KCNS1: variants seen among roughly 807,000 people sequenced by gnomAD.
KCNS1 encodes the protein potassium voltage-gated channel modifier subfamily S member 1, also known as delayed-rectifier potassium channel regulatory subunit KCNS1.
Under a neutral mutation model 33.1 loss-of-function variants are expected in KCNS1, and 26 were observed. The ratio of observed to expected loss-of-function variants is 0.79; its 90% CI spans 0.58 to 1.09. The LOEUF is 1.09. KCNS1 is among the 50% of genes least tolerant of loss of function. The pLI, the probability that KCNS1 is intolerant of heterozygous loss-of-function variation, is 0.00. For missense variants in KCNS1, 702 were observed against 752.4 expected (o/e 0.93, Z 0.78); for synonymous variants, 299 against 338.8 (o/e 0.88, Z 1.29).
intron 3 of KCNS1, 68 bp from the exon 4 acceptor site, chr20:45,095,408 G>A (rs1981153849): frequency 7.2e-7 from 1 of 1,387,082 alleles, no homozygotes; most frequent in South Asian, 1.3e-5. Context: ...GGCATATGGG[G>A]AAACTGAGGC....
chr20:45,101,059 C>T lies in KCNS1; in HGVS notation c.-142G>A, dbSNP rs1981376385. On this transcript the variant is annotated 5_prime_UTR_variant, in exon 1 of 4. Transcript: ENST00000537075. The stretch of plus-strand genomic sequence containing the variant: ...CTGCAGGCGGCCCCGCTGCCCTCTC[C>T]TTCCTTCTTCCTTGCCTAGTCCCCC... 2 of 152,630 alleles carry T rather than the reference C, an allele frequency of 1.3e-5. No individual in the cohort carries two copies. Among genetic ancestry groups the T allele is most frequent in the Admixed American group, 1.3e-4 (2 of 15,294 alleles). The allele number at this position is 152,630 out of a possible 1,614,324, so 9.5% of individuals were successfully genotyped here.
At chr20:45,097,529 T>G (rs1031180631) in intron 3 of KCNS1, 133 bp downstream of exon 3, 1 of 882,100 alleles carries the variant, frequency 1.1e-6, no homozygotes, top group Non-Finnish European at 1.7e-6. Flanking sequence ...TGTGCAGCCC[T>G]GTGCCTGGCA....
In KCNS1 at chr20:45,097,990, C is replaced by A; in HGVS notation, c.782G>T (p.Arg261Leu). The A allele has an allele frequency of 6.5e-7, 1 of 1,533,448 alleles. No homozygotes were observed. The highest frequency in any genetic ancestry group is 8.8e-7 in the Non-Finnish European group (1 of 1,140,930). 95.0% of individuals were successfully genotyped at this position (1,533,448 alleles called of 1,614,324 possible). A position where few individuals can be genotyped will look rare whatever the true frequency, so the allele number is the denominator to read the frequency against. Residue 261 changes from arginine to leucine, a missense_variant, in exon 3 of 4, where the codon CGC (arginine) becomes CTC (leucine). Transcript: ENST00000537075. Reference sequence around the variant, plus strand: ...GTCGTCGCGCACGCCTTCCGGGCTGCGGCCCGCGGCCACCGCAGCCACGGC... The same window carrying A: ...GTCGTCGCGCACGCCTTCCGGGCTGAGGCCCGCGGCCACCGCAGCCACGGC... ...AAAVAAVAAG[R>L]SPEGVRDDPV...
Position 45,098,257 on chromosome 20 carries a change from T to C in KCNS1, c.515A>G (p.Asp172Gly). The C allele has an allele frequency of 6.3e-7, 1 of 1,595,618 alleles. No individual in the cohort carries two copies. Reference sequence around the variant, plus strand: ...GCACGGGTCCACGCTGCTCGGCGTGTCGCTGTCCTCGTCCCAGGCGTGCGG... The same window carrying C: ...GCACGGGTCCACGCTGCTCGGCGTGCCGCTGTCCTCGTCCCAGGCGTGCGG... Reference protein sequence around the residue: ...TQPHAWDEDSDTPSSVDPCPD... With the variant: ...TQPHAWDEDSGTPSSVDPCPD... The change falls in exon 3 of 4, where the codon GAC becomes GGC. Residue 172 changes from aspartate to glycine, a missense_variant. Asp to Gly is a moderately conservative substitution (Grantham distance 94). Transcript: ENST00000537075. This position sits in a 1 kb window ranked among gnomAD's most constrained non-coding sequence, Gnocchi z 5.2.
Position 45,093,260 on chromosome 20 carries a change from T to G in KCNS1, c.*1610A>C, listed in dbSNP as rs1248929796. 1.3e-5 allele frequency: 2 copies of G among 151,866 alleles called. No homozygotes were observed. Among genetic ancestry groups the G allele is most frequent in the Admixed American group, 6.6e-5 (1 of 15,236 alleles). The allele number at this position is 151,866 out of a possible 1,614,324, so 9.4% of individuals were successfully genotyped here. A position where few individuals can be genotyped will look rare whatever the true frequency, so the allele number is the denominator to read the frequency against. ...ACTCTTCCAACGGGTATTTGTTGAG[T>G]GAGTGAGTGAAGAACCTACAAGGAA... On this transcript the variant is annotated 3_prime_UTR_variant, in exon 4 of 4. Transcript: ENST00000537075.
chr20:45,095,570 T>C (rs1981158749), intron 3 of KCNS1, among the ~76,000 whole-genome samples: 2 of 152,172 alleles, frequency 1.3e-5, no homozygotes, highest in African/African-American at 4.8e-5. Flanking sequence ...GTCCAAGGTA[T>C]CTGCTAGGCT....
At chr20:45,095,508 C>T (rs1432894842) in intron 3 of KCNS1, among the ~76,000 whole-genome samples, 168 bp from the exon 4 acceptor site, 2 of 152,202 alleles carry the variant, frequency 1.3e-5, no homozygotes, top group East Asian at 3.9e-4. Context: ...GACCTTTCAA[C>T]TACAGTTGGC....
At position 45,098,469 on chromosome 20, in the gene KCNS1, T is replaced by G; in HGVS notation, c.303A>C (p.Glu101Asp). The G allele has an allele frequency of 6.4e-7, 1 of 1,573,532 alleles. No individual in the cohort carries two copies. Among genetic ancestry groups the G allele is most frequent in the Non-Finnish European group, 8.6e-7 (1 of 1,160,800 alleles). The change falls in exon 3 of 4, where the codon GAA becomes GAC. Residue 101 changes from glutamate (E) to aspartate (D), a missense_variant. By Grantham distance (45) the Glu-to-Asp change is conservative (BLOSUM62 2). This residue lies in a region of KCNS1 where 374 missense variants were observed against 352.3 expected (regional missense o/e 1.06). Coordinates refer to ENST00000537075, the MANE Select transcript of KCNS1 (RefSeq NM_001322799.2). The surrounding 1 kb of genome is among the most constrained non-coding windows in gnomAD (Gnocchi z 5.2). ...AGCCCGGGTGCCGGTCGAAGTAGAA[T>G]TCGCGCGCCGCCTCGTCGTAGTCGT... The part of the protein sequence containing the change: ...LCDDYDEAAR[E>D]FYFDRHPGFF...
chr20:45,098,593 C>G lies in KCNS1; in HGVS notation c.179G>C (p.Arg60Pro). 7.1e-7 allele frequency: 1 copy of G among 1,410,408 alleles called. No homozygotes were observed. The highest frequency in any genetic ancestry group is 9.3e-7 in the Non-Finnish European group (1 of 1,078,990). The allele number at this position is 1,410,408 out of a possible 1,614,324, so 87.4% of individuals were successfully genotyped here. Residue 60 changes from arginine (R) to proline (P), a missense_variant, in exon 3 of 4, where the codon CGG becomes CCG. Physicochemically the swap from Arg to Pro is moderately radical, Grantham distance 103. Transcript: ENST00000537075. This position sits in a 1 kb window ranked among gnomAD's most constrained non-coding sequence, Gnocchi z 5.2. ...EALRVNVGGVRRQLSARALAR... is the reference protein window; with the variant it reads ...EALRVNVGGVPRQLSARALAR... ...CAGGGCGCGCGCGCTCAGCTGCCGC[C>G]GCACGCCACCCACGTTCACGCGCAG...
rs1244840835 is a variant in KCNS1, at chr20:45,095,026, G to A, written c.1425C>T (p.Arg475=). The A allele has an allele frequency of 6.2e-7, 1 of 1,613,556 alleles. No homozygotes were observed. The highest frequency in any genetic ancestry group is 1.1e-5 in the South Asian group (1 of 91,018). Reference sequence around the variant, plus strand: ...CCTCAAACTCTTGGTGGTTGCTGTTGCGCACGGCTGCCTCCAGAGCCTTCT... The same window carrying A: ...CCTCAAACTCTTGGTGGTTGCTGTTACGCACGGCTGCCTCCAGAGCCTTCT... The part of the protein sequence containing the change: ...RRQKALEAAV[R]NSNHQEFEDL... The change falls in exon 4 of 4, where the codon CGC becomes CGT. Residue 475 remains arginine (R), a synonymous_variant. Coordinates refer to ENST00000537075, the MANE Select transcript of KCNS1 (RefSeq NM_001322799.2).
Position 45,093,593 on chromosome 20 carries a change from G to A in KCNS1, c.*1277C>T, listed in dbSNP as rs1018180659. 1 of 152,286 alleles carries A rather than the reference G, an allele frequency of 6.6e-6. No homozygotes were observed. Among genetic ancestry groups the A allele is most frequent in the South Asian group, 2.1e-4 (1 of 4,832 alleles). 9.4% of individuals were successfully genotyped at this position (152,286 alleles called of 1,614,324 possible). ...CACAGTGCTGGGTGCTGTAGCCACA[G>A]TATGTGGAAAGGGCTACTGGATCCC... On this transcript the variant is annotated 3_prime_UTR_variant, in exon 4 of 4. Transcript: ENST00000537075.
intron 3 of KCNS1, 110 bp from the exon 4 acceptor site, chr20:45,095,450 G>T: frequency 1.0e-6 from 1 of 962,810 alleles, no homozygotes; most frequent in Non-Finnish European, 1.5e-6. Flanking sequence ...TCCAAAGTCA[G>T]CAAGATAGAG....
Position 45,098,649 on chromosome 20 carries a change from G to C in KCNS1, c.123C>G (p.Thr41=). 4 of 1,472,474 alleles carry C rather than the reference G, an allele frequency of 2.7e-6. No individual in the cohort carries two copies. The highest frequency in any genetic ancestry group is 3.6e-6 in the Non-Finnish European group (4 of 1,113,508). 91.2% of individuals were successfully genotyped at this position (1,472,474 alleles called of 1,614,324 possible). The part of the protein sequence containing the change: ...TFVSEFPGPD[T]GIRWRRSDEA... Reference sequence around the variant, plus strand: ...CGTCGCTTCGCCGCCAGCGGATCCCGGTGTCGGGGCCCGGGAACTCGCTCA... The same window carrying C: ...CGTCGCTTCGCCGCCAGCGGATCCCCGTGTCGGGGCCCGGGAACTCGCTCA... The change falls in exon 3 of 4, where the codon ACC becomes ACG. Residue 41 remains threonine, a synonymous_variant. Coordinates refer to ENST00000537075, the MANE Select transcript of KCNS1 (RefSeq NM_001322799.2). This position sits in a 1 kb window ranked among gnomAD's most constrained non-coding sequence, Gnocchi z 5.2.
intron 1 of KCNS1, 64 bp from the exon 2 acceptor site, chr20:45,099,303 A>G (rs943611759): frequency 1.1e-6 from 1 of 873,746 alleles, no homozygotes; most frequent in Non-Finnish European, 1.9e-6. Context: ...GGGAACTCTA[A>G]GGGTGGGGTC....
rs968994291 is a variant in KCNS1, at chr20:45,098,408, G to A, written c.364C>T (p.His122Tyr). 14 of 1,595,986 alleles carry A rather than the reference G, an allele frequency of 8.8e-6. No individual in the cohort carries two copies. Among genetic ancestry groups the A allele is most frequent in the African/African-American group, 1.3e-5 (1 of 74,300 alleles). The change falls in exon 3 of 4, where the codon CAC (histidine) becomes TAC (tyrosine). Residue 122 changes from histidine to tyrosine, a missense_variant. Physicochemically the swap from His to Tyr is moderately conservative, Grantham distance 83 (BLOSUM62 2). Coordinates refer to ENST00000537075, the MANE Select transcript of KCNS1 (RefSeq NM_001322799.2). The surrounding 1 kb of genome is among the most constrained non-coding windows in gnomAD (Gnocchi z 5.2). The stretch of plus-strand genomic sequence containing the variant: ...CACAGCTCGTCGAGCACGTGCAGGT[G>A]GCCAGTGCGGTAGAAGTGCAGCAGG... Reference protein sequence around the residue: ...LSLLHFYRTGHLHVLDELCVF... With the variant: ...LSLLHFYRTGYLHVLDELCVF...
Position 45,097,805 on chromosome 20 carries a change from C to T in KCNS1, c.967G>A (p.Gly323Ser). 1 of 1,613,668 alleles carries T rather than the reference C, an allele frequency of 6.2e-7. No individual in the cohort carries two copies. Among genetic ancestry groups the T allele is most frequent in the Non-Finnish European group, 8.5e-7 (1 of 1,179,966 alleles). Reference protein sequence around the residue: ...VLPFYLTLLAGVALGDQGGKE... With the variant: ...VLPFYLTLLASVALGDQGGKE... The stretch of plus-strand genomic sequence containing the variant: ...CCGCCCTGGTCGCCCAGTGCCACAC[C>T]AGCCAGCAGCGTGAGATAGAAGGGC... The change falls in exon 3 of 4, where the codon GGT becomes AGT. Residue 323 changes from glycine to serine, a missense_variant. By Grantham distance (56) the Gly-to-Ser change is moderately conservative (BLOSUM62 0). Coordinates refer to ENST00000537075, the MANE Select transcript of KCNS1 (RefSeq NM_001322799.2).
chr20:45,092,016 T>G lies in KCNS1; in HGVS notation c.*2854A>C, dbSNP rs1312275297. On this transcript the variant is annotated 3_prime_UTR_variant, in exon 4 of 4. Transcript: ENST00000537075. The stretch of plus-strand genomic sequence containing the variant: ...TGCTGGAAACTAATATATCTTCCAA[T>G]AAATTCATTTTTTGCTTGATGTCAG... Among the ~76,000 whole-genome samples the G allele has an allele frequency of 6.6e-6, 1 of 152,230 alleles. No homozygotes were observed. The highest frequency in any genetic ancestry group is 2.4e-5 in the African/African-American group (1 of 41,466).
Position 45,098,787 on chromosome 20 carries a change from G to A in KCNS1, c.77-92C>T. 8.4e-7 allele frequency: 1 copy of A among 1,190,782 alleles called. No homozygotes were observed. Among genetic ancestry groups the A allele is most frequent in the Admixed American group, 3.9e-5 (1 of 25,868 alleles). 73.8% of individuals were successfully genotyped at this position (1,190,782 alleles called of 1,614,324 possible). A position where few individuals can be genotyped will look rare whatever the true frequency, so the allele number is the denominator to read the frequency against. ...TCCCCTCCTCCATCCAACCAGCCAA[G>A]GGGTGTTGGAGGCTGTGTGTGAAGC... is the stretch of plus-strand genomic sequence containing the variant. On this transcript the variant is annotated intron_variant, in intron 2 of 3. Coordinates refer to ENST00000537075, the MANE Select transcript of KCNS1 (RefSeq NM_001322799.2). The surrounding 1 kb of genome is among the most constrained non-coding windows in gnomAD (Gnocchi z 5.2).
Position 45,094,577 on chromosome 20 carries a change from C to T in KCNS1, c.*293G>A, listed in dbSNP as rs1007352993. ...GGCCAAACATGACCTGGTTCATGTA[C>T]AGGAGGTGCTCAGGAATCATTAGTA... On this transcript the variant is annotated 3_prime_UTR_variant, in exon 4 of 4. Coordinates refer to ENST00000537075, the MANE Select transcript of KCNS1 (RefSeq NM_001322799.2). 3.0e-6 allele frequency: 1 copy of T among 329,704 alleles called. No individual in the cohort carries two copies. The highest frequency in any genetic ancestry group is 5.6e-6 in the Non-Finnish European group (1 of 178,198). The allele number at this position is 329,704 out of a possible 1,614,324, so 20.4% of individuals were successfully genotyped here.
Sources: gnomAD v4.1 joint callset for allele counts (sites outside exome capture counted in the v4.1 genomes callset) on GRCh38, gnomAD v4.1.1 for gene constraint, gnomAD v4.1.1 regional missense constraint, Gnocchi (gnomAD v3.1) non-coding constraint, MANE v1.5 for transcripts, NCBI Gene and HGNC (gene_info 2026-07-23, HGNC 2026-07-21) for gene names.